Variants in GALNTL6 observed in about 807,000 individuals in gnomAD.
GALNTL6 encodes polypeptide N-acetylgalactosaminyltransferase like 6.
Under a neutral mutation model 73.7 loss-of-function variants are expected in GALNTL6, and 46 were observed. The ratio of observed to expected loss-of-function variants is 0.62; its 90% confidence interval spans 0.49 to 0.80. The LOEUF (loss-of-function observed/expected upper bound fraction) is 0.80, where lower values mean the gene tolerates loss of function less well. Ranked by LOEUF, GALNTL6 falls within the 30% of genes least tolerant of loss-of-function variation. GALNTL6 has a pLI of 0.00. For synonymous variants in GALNTL6, 259 were observed against 263.7 expected (o/e 0.98, Z 0.17); for missense variants, 604 against 755.0 (o/e 0.80, Z 2.34).
Position 173,021,551 on chromosome 4 carries a change from A to G in GALNTL6, c.1564A>G (p.Ile522Val). Reference sequence around the variant, plus strand: ...TACCCGGAAATTCTGCTTTGATGCGATCTCACACAACAGCCCCGTTACACT... The same window carrying G: ...TACCCGGAAATTCTGCTTTGATGCGGTCTCACACAACAGCCCCGTTACACT... ...LHTRKFCFDAISHNSPVTLYD... is the reference protein window; with the variant it reads ...LHTRKFCFDAVSHNSPVTLYD... The change falls in exon 12 of 13, where the codon ATC becomes GTC. Residue 522 changes from isoleucine (I) to valine (V), a missense_variant. Transcript: ENST00000506823. The G allele has an allele frequency of 6.2e-7, 1 of 1,614,082 alleles. No individual in the cohort carries two copies. The highest frequency in any genetic ancestry group is 1.3e-5 in the African/African-American group (1 of 75,022).
At position 172,206,805 on chromosome 4, in the gene GALNTL6, G is replaced by GTTTTTT. The variant is rs778156050; in HGVS notation, c.139-22848_139-22843dup. 8.5e-3 allele frequency among the ~76,000 whole-genome samples: 223 copies of GTTTTTT among 26,142 alleles called. 24 individuals are homozygous for GTTTTTT. The highest frequency in any genetic ancestry group is 0.018 in the African/African-American group (187 of 10,526). 17.2% of individuals were successfully genotyped at this position (26,142 alleles called of 152,430 possible). On this transcript the variant is annotated intron_variant, in intron 2 of 12. Coordinates refer to ENST00000506823, the MANE Select transcript of GALNTL6 (RefSeq NM_001034845.3). ...TTGTTTTGTTTTGTTTTGTTTTTCT[G>GTTTTTT]TTTTTTTTGTTTGTTTTTTTTTTTT...
chr4:172,927,456 C>A (rs772321079), intron 8 of GALNTL6, among the ~76,000 whole-genome samples: 2 of 152,148 alleles, frequency 1.3e-5, no homozygotes, highest in Admixed American at 1.3e-4. Flanking sequence ...GTTCCAATTA[C>A]TACTGTTGCA....
At chr4:172,375,476 A>G (rs1351030369) in intron 5 of GALNTL6, among the ~76,000 whole-genome samples, 2 of 152,136 alleles carry the variant, frequency 1.3e-5, no homozygotes, top group African/African-American at 4.8e-5. Flanking sequence ...TGAAAGACAA[A>G]AATGCCCCCA....
intron 5 of GALNTL6, among the ~76,000 whole-genome samples, chr4:172,601,651 G>A (rs1738054822): frequency 6.6e-6 from 1 of 152,128 alleles, no homozygotes; most frequent in South Asian, 2.1e-4. Flanking sequence ...GCAGAATTAT[G>A]AATTTAATAA....
chr4:172,354,119 C>T (rs536075618), intron 5 of GALNTL6, among the ~76,000 whole-genome samples: 8 of 152,036 alleles, frequency 5.3e-5, no homozygotes, highest in East Asian at 3.9e-4. Flanking sequence ...GATTCTGAGA[C>T]GACAGTCGAC....
chr4:171,979,062 G>T (rs542294826), intron 2 of GALNTL6, among the ~76,000 whole-genome samples: 1 of 152,120 alleles, frequency 6.6e-6, no homozygotes, highest in South Asian at 2.1e-4. Flanking sequence ...CATTATGCAG[G>T]TCACTTTGCT....
At chr4:172,665,626 T>C (rs1731617436) in intron 5 of GALNTL6, among the ~76,000 whole-genome samples, 1 of 152,234 alleles carries the variant, frequency 6.6e-6, no homozygotes, top group Non-Finnish European at 1.5e-5. Context: ...TATCTTCCTC[T>C]AACATTACCT....
intron 5 of GALNTL6, among the ~76,000 whole-genome samples, chr4:172,590,738 T>A (rs1039847903): frequency 1.3e-5 from 2 of 152,196 alleles, no homozygotes; most frequent in African/African-American, 4.8e-5. Flanking sequence ...CCTGGAAATG[T>A]GGCTTCTGAA....
chr4:172,996,711 C>G (rs1751806018), intron 10 of GALNTL6, among the ~76,000 whole-genome samples: 1 of 152,152 alleles, frequency 6.6e-6, no homozygotes, highest in Non-Finnish European at 1.5e-5. Flanking sequence ...CAGGAATAAA[C>G]TTGCACTCAG....
At chr4:172,309,068 G>T (rs1169896057) in intron 3 of GALNTL6, among the ~76,000 whole-genome samples, 1 of 97,000 alleles carries the variant, frequency 1.0e-5, no homozygotes, top group Admixed American at 1.3e-4. Flanking sequence ...AAGCAAAGAA[G>T]ATGAAATTTG....
chr4:172,925,441 CAT>C (rs1748013588), intron 8 of GALNTL6, among the ~76,000 whole-genome samples: 1 of 152,160 alleles, frequency 6.6e-6, no homozygotes, highest in Admixed American at 6.5e-5. Flanking sequence ...GGTTTACTCA[CAT>C]GAGTATGTCA....
intron 5 of GALNTL6, among the ~76,000 whole-genome samples, chr4:172,514,912 CT>C (rs1335915908): frequency 6.6e-6 from 1 of 152,198 alleles, no homozygotes; most frequent in East Asian, 1.9e-4. Context: ...CACTGGCAGA[CT>C]TTCCCCCTCT....
chr4:172,694,124 CT>C (rs5864154), intron 5 of GALNTL6, among the ~76,000 whole-genome samples: 61,478 of 146,522 alleles, frequency 0.42, 14,914 homozygotes, highest in East Asian at 0.68. Context: ...TGCACTATTT[CT>C]TTTTTTTTTT....
intron 5 of GALNTL6, among the ~76,000 whole-genome samples, chr4:172,597,462 A>G (rs1271929789): frequency 6.6e-6 from 1 of 152,198 alleles, no homozygotes; most frequent in Non-Finnish European, 1.5e-5. Context: ...CAGGCTCAGC[A>G]TCTTTTGTGT....
intron 3 of GALNTL6, among the ~76,000 whole-genome samples, chr4:172,254,291 C>T (rs969888563): frequency 2.0e-5 from 3 of 151,660 alleles, no homozygotes; most frequent in Admixed American, 6.6e-5. Flanking sequence ...ATATGTATCC[C>T]TCAATATAAG....
chr4:172,908,155 T>G (rs2111256314), intron 8 of GALNTL6, among the ~76,000 whole-genome samples: 1 of 152,304 alleles, frequency 6.6e-6, no homozygotes, highest in South Asian at 2.1e-4. Flanking sequence ...CATCACACTA[T>G]TCAGAACAAC....
chr4:172,298,427 G>C (rs993706362), intron 3 of GALNTL6, among the ~76,000 whole-genome samples: 3 of 152,148 alleles, frequency 2.0e-5, no homozygotes, highest in African/African-American at 7.2e-5. Flanking sequence ...TCCCTGTCTT[G>C]TGCCGGTATT....
At chr4:172,617,936 A>G (rs1166738080) in intron 5 of GALNTL6, among the ~76,000 whole-genome samples, 1 of 152,194 alleles carries the variant, frequency 6.6e-6, no homozygotes, top group Admixed American at 6.5e-5. Flanking sequence ...TTGCTCCAAC[A>G]TGCACCTCTA....
chr4:172,629,108 G>T (rs930882739), intron 5 of GALNTL6, among the ~76,000 whole-genome samples: 2 of 152,106 alleles, frequency 1.3e-5, no homozygotes, highest in African/African-American at 4.8e-5. Context: ...AATGCTGTTA[G>T]TAAAGTTGTG....
Sources: gnomAD v4.1 joint callset for allele counts (sites outside exome capture counted in the v4.1 genomes callset) on GRCh38, gnomAD v4.1.1 for gene constraint, MANE v1.5 for transcripts, NCBI Gene and HGNC (gene_info 2026-07-23, HGNC 2026-07-21) for gene names.